The following LSAMP variants were observed in gnomAD, a reference collection of about 807,000 sequenced individuals.
The protein encoded by LSAMP is limbic system associated membrane protein, also known as limbic system-associated membrane protein.
Under a neutral mutation model 38.6 loss-of-function variants are expected in LSAMP, and 7 were observed. The observed-to-expected ratio is 0.18, with a 90% CI of 0.10 to 0.34. The LOEUF is 0.34. Among genes scored for constraint, LSAMP ranks in the 10% least tolerant of loss-of-function variants. LSAMP has a pLI of 1.00. For missense variants in LSAMP, 313 were observed against 420.0 expected, an observed-to-expected ratio of 0.75 and a Z score of 2.23; for synonymous variants, 154 against 166.8, an observed-to-expected ratio of 0.92 and a Z score of 0.59.
At chr3:116,292,770 G>A (rs971018432) in intron 1 of LSAMP, among the ~76,000 whole-genome samples, 2 of 152,144 alleles carry the variant, frequency 1.3e-5, no homozygotes, top group African/African-American at 2.4e-5. Flanking sequence ...ACTGAAGCTC[G>A]CAAGGTTAAA....
chr3:116,203,850 G>A (rs184585776), intron 1 of LSAMP, among the ~76,000 whole-genome samples: 7 of 152,088 alleles, frequency 4.6e-5, no homozygotes, highest in Non-Finnish European at 7.4e-5. Context: ...GAATAATGCC[G>A]CAATAAACAT....
chr3:115,810,908 T>C (rs1042326663), intron 6 of LSAMP, among the ~76,000 whole-genome samples: 2 of 152,156 alleles, frequency 1.3e-5, no homozygotes, highest in Non-Finnish European at 2.9e-5. Context: ...CAGTAATTAC[T>C]TATTTGCTAA....
chr3:115,971,471 T>C (rs1939016484), intron 3 of LSAMP, among the ~76,000 whole-genome samples: 1 of 152,188 alleles, frequency 6.6e-6, no homozygotes, highest in African/African-American at 2.4e-5. Flanking sequence ...TGATTTTATA[T>C]AAAAAGAGTC....
intron 1 of LSAMP, among the ~76,000 whole-genome samples, chr3:116,379,759 AAG>A (rs1434768609): frequency 2.6e-5 from 4 of 152,046 alleles, no homozygotes; most frequent in Non-Finnish European, 4.4e-5. Context: ...TGTGGTAAGC[AAG>A]AGAGTGGAAA....
intron 1 of LSAMP, among the ~76,000 whole-genome samples, chr3:116,247,536 T>G (rs1374047300): frequency 6.6e-6 from 1 of 152,184 alleles, no homozygotes; most frequent in East Asian, 1.9e-4. Context: ...AGAATAATAT[T>G]ATGGAGATTT....
At chr3:116,186,576 T>C (rs1056910093) in intron 1 of LSAMP, among the ~76,000 whole-genome samples, 1 of 152,136 alleles carries the variant, frequency 6.6e-6, no homozygotes, top group African/African-American at 2.4e-5. Flanking sequence ...TACATCACAC[T>C]GGCACCATTA....
At chr3:115,869,796 C>A (rs1175746540) in intron 3 of LSAMP, among the ~76,000 whole-genome samples, 1 of 152,000 alleles carries the variant, frequency 6.6e-6, no homozygotes, top group East Asian at 1.9e-4. Context: ...TACGTCTTTT[C>A]CGAACAAAAA....
intron 1 of LSAMP, among the ~76,000 whole-genome samples, chr3:116,222,906 T>G (rs1373183918): frequency 6.6e-6 from 1 of 151,420 alleles, no homozygotes; most frequent in Non-Finnish European, 1.5e-5. Context: ...CGGCTAATTT[T>G]TTTTTGTATT....
chr3:116,267,461 T>C (rs537272949), intron 1 of LSAMP, among the ~76,000 whole-genome samples: 2 of 152,252 alleles, frequency 1.3e-5, no homozygotes, highest in East Asian at 3.9e-4. Flanking sequence ...GGAAGAACTA[T>C]ACTCCCTTTT....
chr3:115,898,896 A>G (rs1936798823), intron 3 of LSAMP, among the ~76,000 whole-genome samples: 1 of 152,128 alleles, frequency 6.6e-6, no homozygotes, highest in Admixed American at 6.5e-5. Flanking sequence ...TTTGGGTGCT[A>G]TGAGCATGCA....
chr3:115,951,541 G>T (rs929041335), intron 3 of LSAMP, among the ~76,000 whole-genome samples: 1 of 152,156 alleles, frequency 6.6e-6, no homozygotes, highest in South Asian at 2.1e-4. Context: ...TGCTGCCAAA[G>T]GAAATTAACA....
intron 3 of LSAMP, among the ~76,000 whole-genome samples, chr3:116,006,724 G>A (rs1440419561): frequency 6.6e-6 from 1 of 152,152 alleles, no homozygotes. Flanking sequence ...ATGACCATAA[G>A]CAATGGGCAG....
At chr3:115,982,911 C>A (rs1939404031) in intron 3 of LSAMP, among the ~76,000 whole-genome samples, 1 of 147,304 alleles carries the variant, frequency 6.8e-6, no homozygotes, top group Non-Finnish European at 1.5e-5. Flanking sequence ...TCCGTCTTAA[C>A]CAATCATTGC....
intron 1 of LSAMP, among the ~76,000 whole-genome samples, chr3:116,341,842 C>T (rs566686550): frequency 3.3e-5 from 5 of 151,678 alleles, no homozygotes; most frequent in South Asian, 2.1e-4. Flanking sequence ...GGACTCAGTA[C>T]GGAGAATAGC....
At chr3:115,908,117 C>T (rs925767925) in intron 3 of LSAMP, among the ~76,000 whole-genome samples, 4 of 151,860 alleles carry the variant, frequency 2.6e-5, no homozygotes, top group African/African-American at 9.7e-5. Context: ...ATATGTGTCA[C>T]TTTGGGAGAG....
intron 1 of LSAMP, among the ~76,000 whole-genome samples, chr3:116,214,692 G>A (rs923846156): frequency 2.2e-4 from 34 of 151,706 alleles, no homozygotes; most frequent in African/African-American, 5.1e-4. Flanking sequence ...TAGGAGAGAC[G>A]GGGTTTCACC....
intron 1 of LSAMP, among the ~76,000 whole-genome samples, chr3:116,305,586 A>G (rs2047471951): frequency 1.3e-5 from 2 of 152,142 alleles, no homozygotes; most frequent in Admixed American, 6.6e-5. Context: ...CTTGCATGAA[A>G]AAAATACAGA....
At chr3:115,915,551 T>G (rs1013969112) in intron 3 of LSAMP, among the ~76,000 whole-genome samples, 2 of 152,210 alleles carry the variant, frequency 1.3e-5, no homozygotes, top group Admixed American at 1.3e-4. Flanking sequence ...TTTCTTCCCA[T>G]CGGTGTACAT....
chr3:116,318,505 T>G (rs1199837777), intron 1 of LSAMP, among the ~76,000 whole-genome samples: 1 of 152,196 alleles, frequency 6.6e-6, no homozygotes, highest in Non-Finnish European at 1.5e-5. Flanking sequence ...AAGCCAACTG[T>G]CAGCCTGACC....
Sources: gnomAD v4.1 joint callset for allele counts (sites outside exome capture counted in the v4.1 genomes callset) on GRCh38, gnomAD v4.1.1 for gene constraint, MANE v1.5 for transcripts, NCBI Gene and HGNC (gene_info 2026-07-23, HGNC 2026-07-21) for gene names.